Variants in YBX3 observed in about 807,000 individuals in gnomAD.
The protein encoded by YBX3 is Y-box binding protein 3.
In YBX3, 29 loss-of-function variants were observed where a neutral mutation model predicts 42.4. The observed-to-expected ratio is 0.68, with a 90% CI of 0.51 to 0.93. The LOEUF (loss-of-function observed/expected upper bound fraction) is 0.93. Ranked by LOEUF, YBX3 falls within the 40% of genes least tolerant of loss-of-function variation. The pLI is 0.00. For synonymous variants in YBX3, 195 were observed against 189.8 expected (o/e 1.03, Z -0.22); for missense variants, 517 against 527.5 (o/e 0.98, Z 0.19).
chr12:10,719,714 C>T (rs1407590408), intron 1 of YBX3, among the ~76,000 whole-genome samples: 2 of 152,202 alleles, frequency 1.3e-5, no homozygotes, highest in African/African-American at 4.8e-5. Context: ...TCTGTACTTA[C>T]CACTCTGAGA....
intron 3 of YBX3, 31 bp downstream of exon 3, chr12:10,718,057 T>G: frequency 1.9e-6 from 3 of 1,588,728 alleles, no homozygotes; most frequent in East Asian, 2.2e-5. Context: ...TCTCCTCACA[T>G]AGCAAATGTA....
intron 9 of YBX3, among the ~76,000 whole-genome samples, chr12:10,700,197 CAAGAT>C (rs1243320066): frequency 1.3e-5 from 2 of 151,894 alleles, no homozygotes; most frequent in Admixed American, 1.3e-4. Context: ...CCATGCTACC[CAAGAT>C]AAAACAGAAT....
intron 2 of YBX3, chr12:10,718,334 T>C (rs779018641): frequency 4.0e-6 from 2 of 497,208 alleles, no homozygotes; most frequent in Non-Finnish European, 7.2e-6. Context: ...CCACAGTGCT[T>C]AGATCCAAGC....
intron 6 of YBX3, among the ~76,000 whole-genome samples, chr12:10,704,874 T>C (rs1462297313): frequency 2.6e-5 from 4 of 152,176 alleles, no homozygotes; most frequent in African/African-American, 7.2e-5. Flanking sequence ...GTTTTCACCT[T>C]TTCTATCATT....
At chr12:10,720,387 T>G (rs1433928185) in intron 1 of YBX3, among the ~76,000 whole-genome samples, 1 of 152,100 alleles carries the variant, frequency 6.6e-6, no homozygotes, top group Non-Finnish European at 1.5e-5. Flanking sequence ...AAACATGTCT[T>G]TATATCTCCA....
intron 6 of YBX3, among the ~76,000 whole-genome samples, chr12:10,709,519 T>C (rs778909597): frequency 1.3e-5 from 2 of 152,240 alleles, no homozygotes; most frequent in Non-Finnish European, 2.9e-5. Flanking sequence ...CCCCACTTAA[T>C]GGATGAACTT....
chr12:10,711,651 C>T (rs1269053559), intron 5 of YBX3: 1 of 152,184 alleles, frequency 6.6e-6, no homozygotes, highest in African/African-American at 2.4e-5. Context: ...CAATGCTGAA[C>T]ACACTCTTTT....
Position 10,709,920 on chromosome 12 carries a change from G to T in YBX3, c.768C>A (p.Pro256=), listed in dbSNP as rs373462346. The change falls in exon 6 of 10, where the codon CCC becomes CCA. Residue 256 remains proline (P), a synonymous_variant. Coordinates refer to ENST00000228251, the MANE Select transcript of YBX3 (RefSeq NM_003651.5). ...GTTGCAATTTTACCTGTATTCTGTT[G>T]GGATGGGGTAAGACCCGTGAGCGAC... ...FDRRSRVLPH[P]NRIQAGEIGE... The T allele has an allele frequency of 6.2e-7, 1 of 1,613,894 alleles. No individual in the cohort carries two copies. The highest frequency in any genetic ancestry group is 2.2e-5 in the East Asian group (1 of 44,894).
chr12:10,703,452 A>G, intron 7 of YBX3: 1 of 233,270 alleles, frequency 4.3e-6, no homozygotes, highest in Non-Finnish European at 8.8e-6. Context: ...AATGGTGGTA[A>G]TAATATCTAA....
In YBX3 at chr12:10,699,221, T is replaced by C. The variant is rs1036344170; in HGVS notation, c.*468A>G. 1 of 152,558 alleles carries C rather than the reference T, an allele frequency of 6.6e-6. No individual in the cohort carries two copies. The highest frequency in any genetic ancestry group is 6.5e-5 in the Admixed American group (1 of 15,274). 9.5% of individuals were successfully genotyped at this position (152,558 alleles called of 1,614,324 possible). On this transcript the variant is annotated 3_prime_UTR_variant, in exon 10 of 10. Transcript: ENST00000228251. Reference sequence around the variant, plus strand: ...AATAAGAAGGACATAAATTTTTTTTTTTTTTAAATCATGACACTTGGAGGT... The same window carrying C: ...AATAAGAAGGACATAAATTTTTTTTCTTTTTAAATCATGACACTTGGAGGT...
chr12:10,706,114 A>C (rs530864853), intron 6 of YBX3, among the ~76,000 whole-genome samples: 1 of 152,220 alleles, frequency 6.6e-6, no homozygotes, highest in African/African-American at 2.4e-5. Flanking sequence ...TGTTACACAT[A>C]TATGTGTGTC....
chr12:10,723,232 C>G lies in YBX3; in HGVS notation c.-121G>C, dbSNP rs1010403402. On this transcript the variant is annotated 5_prime_UTR_variant, in exon 1 of 10. Coordinates refer to ENST00000228251, the MANE Select transcript of YBX3 (RefSeq NM_003651.5). Reference sequence around the variant, plus strand: ...GGAGGCCGGGGCGGATCTCGCGGCGCAGGCGGCGGCGGCCGAGGTGGGGTC... The same window carrying G: ...GGAGGCCGGGGCGGATCTCGCGGCGGAGGCGGCGGCGGCCGAGGTGGGGTC... 1.6e-5 allele frequency: 19 copies of G among 1,160,482 alleles called. No homozygotes were observed. Among genetic ancestry groups the G allele is most frequent in the Non-Finnish European group, 1.6e-5 (15 of 941,742 alleles). The allele number at this position is 1,160,482 out of a possible 1,614,324, so 71.9% of individuals were successfully genotyped here. A position where few individuals can be genotyped will look rare whatever the true frequency, so the allele number is the denominator to read the frequency against.
intron 8 of YBX3, 90 bp from the exon 9 acceptor site, chr12:10,701,443 T>G: frequency 1.3e-6 from 1 of 748,882 alleles, no homozygotes; most frequent in South Asian, 1.4e-5. Context: ...TGAATTTTCC[T>G]GTGAAGGAAA....
rs112337173 is a variant in YBX3 at position 10,716,669 on chromosome 12, A to T, written c.361-886T>A. ...TATGGAACTAGGTCAACCTTATTTT[A>T]TAAAGCGATTAAGCATGTGTAATCC... On this transcript the variant is annotated intron_variant, in intron 3 of 9. Transcript: ENST00000228251. 3.5e-3 allele frequency among the ~76,000 whole-genome samples: 538 copies of T among 152,278 alleles called. 1 individual carries two copies. Among genetic ancestry groups the T allele is most frequent in the African/African-American group, 0.012 (518 of 41,532 alleles).
chr12:10,715,279 T>A (rs1450762881), intron 4 of YBX3, among the ~76,000 whole-genome samples: 1 of 151,866 alleles, frequency 6.6e-6, no homozygotes, highest in East Asian at 1.9e-4. Flanking sequence ...GTGTGGTGGC[T>A]CACACCTGTA....
At chr12:10,708,861 T>A (rs1483036485) in intron 6 of YBX3, among the ~76,000 whole-genome samples, 1 of 152,194 alleles carries the variant, frequency 6.6e-6, no homozygotes, top group Admixed American at 6.5e-5. Context: ...AGCCAAACAC[T>A]AAGGAGGAGT....
At chr12:10,711,528 A>C (rs1354002396) in intron 5 of YBX3, 1 of 152,216 alleles carries the variant, frequency 6.6e-6, no homozygotes, top group Non-Finnish European at 1.5e-5. Context: ...TGCTTACCAA[A>C]ATATTAAGTG....
At chr12:10,710,744 G>C (rs1416101650) in intron 5 of YBX3, 1 of 455,110 alleles carries the variant, frequency 2.2e-6, no homozygotes, top group Non-Finnish European at 4.3e-6. Context: ...TGCAGAAACA[G>C]ATGTGAGAAT....
intron 4 of YBX3, 107 bp from the exon 5 acceptor site, chr12:10,713,440 T>G (rs1168087591): frequency 6.1e-6 from 8 of 1,315,376 alleles, no homozygotes; most frequent in Non-Finnish European, 1.0e-6. Context: ...ATACTAAGAA[T>G]TCCCACTGTG....
Sources: gnomAD v4.1 joint callset for allele counts (sites outside exome capture counted in the v4.1 genomes callset) on GRCh38, gnomAD v4.1.1 for gene constraint, MANE v1.5 for transcripts, NCBI Gene and HGNC (gene_info 2026-07-23, HGNC 2026-07-21) for gene names.